NR2C1: variants seen among roughly 807,000 people sequenced by gnomAD.
The protein encoded by NR2C1 is TR2 nuclear hormone receptor.
NR2C1 carries 33 observed loss-of-function variants against 74.8 expected under a neutral mutation model. That is an observed-to-expected ratio of 0.44 (90% confidence interval 0.33 to 0.59). The LOEUF is 0.59. Among genes scored for constraint, NR2C1 ranks in the 20% least tolerant of loss-of-function variants. The pLI is 0.02. For synonymous variants in NR2C1, 225 were observed against 240.6 expected (o/e 0.94, Z 0.60); for missense variants, 568 against 715.6 (o/e 0.79, Z 2.35).
chr12:95,043,948 A>G (rs17023599), intron 9 of NR2C1, among the ~76,000 whole-genome samples: 7,835 of 151,774 alleles, frequency 0.052, 263 homozygotes, highest in Middle Eastern at 0.097. Context: ...TACATGCTCA[A>G]TAAAACTCTA....
intron 12 of NR2C1, 61 bp downstream of exon 12, chr12:95,028,326 G>T: frequency 1.4e-6 from 2 of 1,389,252 alleles, no homozygotes; most frequent in Admixed American, 4.1e-5. Context: ...ACATATGAGG[G>T]CTTCTATTTC....
chr12:95,057,612 T>C lies in NR2C1; in HGVS notation c.724A>G (p.Met242Val), dbSNP rs199837509. 1.8e-4 allele frequency: 295 copies of C among 1,614,060 alleles called. 4 individuals are homozygous for C. The East Asian group carries it at 2.7e-3, about 15-fold the overall frequency. ...TTTACTCCAGATGGATGAATATTCA[T>C]GAACATTCCTGAATCTAACAGTCCT... ...STGLLDSGMF[M>V]NIHPSGVKTE... Residue 242 changes from methionine to valine, a missense_variant, in exon 7 of 14, where the codon ATG becomes GTG. Physicochemically the swap from Met to Val is conservative, Grantham distance 21. Around this residue, in one of 6 missense-constraint regions of NR2C1, gnomAD observed 239 missense variants for 232.3 expected, o/e 1.03. Coordinates refer to ENST00000333003, the MANE Select transcript of NR2C1 (RefSeq NM_003297.4).
intron 12 of NR2C1, chr12:95,026,897 T>A (rs773086261): frequency 2.6e-5 from 4 of 152,188 alleles, no homozygotes; most frequent in Non-Finnish European, 5.9e-5. Flanking sequence ...ACCAGTTTTT[T>A]AAATTTGTTG....
chr12:95,071,231 A>G (rs964578731), intron 1 of NR2C1, among the ~76,000 whole-genome samples: 2 of 152,112 alleles, frequency 1.3e-5, no homozygotes, highest in Non-Finnish European at 2.9e-5. Context: ...TTTGATTCAA[A>G]TAGTTTTTTA....
chr12:95,061,601 G>A (rs1214168455), intron 3 of NR2C1, among the ~76,000 whole-genome samples: 1 of 152,012 alleles, frequency 6.6e-6, no homozygotes, highest in Non-Finnish European at 1.5e-5. Flanking sequence ...AAATATCATT[G>A]GATGAATAGA....
At chr12:95,022,577 C>A (rs1327569576) in intron 13 of NR2C1, among the ~76,000 whole-genome samples, 174 bp from the exon 14 acceptor site, 1 of 152,184 alleles carries the variant, frequency 6.6e-6, no homozygotes, top group Non-Finnish European at 1.5e-5. Context: ...AATTACCTGG[C>A]TATTAATGCA....
chr12:95,026,839 C>T (rs1869432239), intron 12 of NR2C1: 1 of 152,102 alleles, frequency 6.6e-6, no homozygotes, highest in Non-Finnish European at 1.5e-5. Flanking sequence ...GAGAGCTTAC[C>T]GTCATTTTAC....
rs148618761 is a variant in NR2C1 at position 95,069,217 on chromosome 12, C to T, written c.-7-1826G>A. ...TAAAATCAACACCAGTGTATTGGTG[C>T]ATTAGACTCAAAGAAGTCACCTCCT... On this transcript the variant is annotated intron_variant, in intron 1 of 13. Coordinates refer to ENST00000333003, the MANE Select transcript of NR2C1 (RefSeq NM_003297.4). Among the ~76,000 whole-genome samples the T allele has an allele frequency of 5.8e-4, 88 of 152,268 alleles. 1 individual carries two copies. In the East Asian group the frequency reaches 0.017, roughly 29 times the overall value.
chr12:95,043,787 T>C (rs1871928544), intron 9 of NR2C1, among the ~76,000 whole-genome samples: 1 of 152,176 alleles, frequency 6.6e-6, no homozygotes. Flanking sequence ...TGGTTTTGCT[T>C]TACACAACAG....
chr12:95,027,906 C>T (rs1869561149), intron 12 of NR2C1, among the ~76,000 whole-genome samples: 1 of 152,114 alleles, frequency 6.6e-6, no homozygotes, highest in African/African-American at 2.4e-5. Flanking sequence ...AACCACTTAC[C>T]TATTTTATGT....
intron 11 of NR2C1, chr12:95,030,396 A>G: frequency 8.2e-7 from 1 of 1,223,060 alleles, no homozygotes; most frequent in Non-Finnish European, 1.0e-6. Context: ...AGAAGAAAAA[A>G]ACTGAAGCAG....
chr12:95,047,504 T>C (rs1357379621), intron 9 of NR2C1, among the ~76,000 whole-genome samples: 1 of 152,238 alleles, frequency 6.6e-6, no homozygotes, highest in Admixed American at 6.5e-5. Flanking sequence ...TCTGTGGCTA[T>C]TTCTACCAAG....
intron 13 of NR2C1, 21 bp from the exon 14 acceptor site, chr12:95,022,424 G>A: frequency 1.3e-6 from 2 of 1,585,804 alleles, no homozygotes; most frequent in Non-Finnish European, 1.7e-6. Context: ...AAAGAAAAAA[G>A]GGAGAGGAAC....
intron 9 of NR2C1, among the ~76,000 whole-genome samples, chr12:95,047,412 T>C (rs1402166976): frequency 6.6e-6 from 1 of 152,170 alleles, no homozygotes; most frequent in Non-Finnish European, 1.5e-5. Context: ...TTATCTTTGG[T>C]AAAATTTTAC....
chr12:95,022,870 G>T (rs1393231739), intron 13 of NR2C1, among the ~76,000 whole-genome samples: 15 of 142,648 alleles, frequency 1.1e-4, no homozygotes, highest in Middle Eastern at 3.6e-3. Flanking sequence ...AATTGTGTTT[G>T]TTTTTTTTTT....
At chr12:95,054,962 C>A (rs553207693) in intron 7 of NR2C1, among the ~76,000 whole-genome samples, 1 of 152,116 alleles carries the variant, frequency 6.6e-6, no homozygotes, top group Non-Finnish European at 1.5e-5. Context: ...TGATTCTTAA[C>A]GAGCATGCTG....
In NR2C1 at chr12:95,049,150, A is replaced by G. The variant is rs1056278785; in HGVS notation, c.1049T>C (p.Val350Ala). 2 of 1,614,106 alleles carry G rather than the reference A, an allele frequency of 1.2e-6. No individual in the cohort carries two copies. The highest frequency in any genetic ancestry group is 1.7e-6 in the Non-Finnish European group (2 of 1,179,962). ...QSSVAGMEGS[V>A]HLITGDSSIN... ...GCTTGAATCTCCAGTGATTAGGTGT[A>G]CACTTCCTTCCATGCCCGCTACTGA... Residue 350 changes from valine (V) to alanine (A), a missense_variant, in exon 9 of 14, where the codon GTA (valine) becomes GCA (alanine). This residue lies in a region of NR2C1 where 239 missense variants were observed against 232.3 expected (regional missense o/e 1.03). Transcript: ENST00000333003.
At chr12:95,045,375 CAG>C (rs888895419) in intron 9 of NR2C1, among the ~76,000 whole-genome samples, 2 of 152,076 alleles carry the variant, frequency 1.3e-5, no homozygotes, top group African/African-American at 4.8e-5. Context: ...GAAGGCTGGG[CAG>C]AGTGACATAA....
chr12:95,066,978 G>A (rs1418296887), intron 2 of NR2C1: 7 of 264,400 alleles, frequency 2.6e-5, no homozygotes, highest in Non-Finnish European at 3.5e-5. Context: ...TATTGATGCT[G>A]AACTCCTACT....
Sources: allele counts gnomAD v4.1 joint callset (sites outside exome capture counted in the v4.1 genomes callset), GRCh38; gene constraint gnomAD v4.1.1; regional missense constraint gnomAD v4.1.1; transcripts MANE v1.5; gene names NCBI Gene and HGNC (gene_info 2026-07-23, HGNC 2026-07-21).